EXOSC1: variants seen among roughly 807,000 people sequenced by gnomAD.
EXOSC1 encodes exosome component 1.
EXOSC1 carries 27 observed loss-of-function variants against 31.4 expected under a neutral mutation model. The ratio of observed to expected loss-of-function variants is 0.86; its 90% CI spans 0.63 to 1.18. EXOSC1 has a LOEUF of 1.18. Ranked by LOEUF, EXOSC1 falls within the 50% of genes most tolerant of loss-of-function variation. EXOSC1 has a pLI of 0.00. For missense variants in EXOSC1, 228 were observed against 250.3 expected (o/e 0.91, Z 0.60); for synonymous variants, 84 against 89.5 (o/e 0.94, Z 0.35).
rs1845533962 is a variant in EXOSC1, at chr10:97,436,347, G to C, written c.*98C>G. The C allele has an allele frequency of 3.6e-6, 3 of 839,330 alleles. No individual in the cohort carries two copies. The African/African-American group carries it at 5.2e-5, about 15-fold the overall frequency. The allele number at this position is 839,330 out of a possible 1,614,324, so 52.0% of individuals were successfully genotyped here. The stretch of plus-strand genomic sequence containing the variant: ...AAACTGGAAGATTTTTCTGGAAGTG[G>C]CTGTTGGCCGACGCCAGGTGTTTGA... On this transcript the variant is annotated 3_prime_UTR_variant, in exon 8 of 8. Transcript: ENST00000370902.
intron 5 of EXOSC1, among the ~76,000 whole-genome samples, chr10:97,438,387 C>T (rs113889710): frequency 0.014 from 2,176 of 151,876 alleles, 52 homozygotes; most frequent in African/African-American, 0.05. Context: ...ACCTCAAACT[C>T]CTGGGCTCAA....
chr10:97,439,630 T>G (rs1407685153), intron 4 of EXOSC1, among the ~76,000 whole-genome samples: 5 of 152,198 alleles, frequency 3.3e-5, no homozygotes, highest in African/African-American at 4.8e-5. Flanking sequence ...TATTTCATTA[T>G]ATATTACAGT....
At chr10:97,444,977 A>C (rs1403444655) in intron 2 of EXOSC1, 1 of 152,220 alleles carries the variant, frequency 6.6e-6, no homozygotes, top group Non-Finnish European at 1.5e-5. Context: ...TCACGGACTT[A>C]GATTTAAGCA....
chr10:97,443,605 G>A (rs937864269), intron 2 of EXOSC1, among the ~76,000 whole-genome samples: 1 of 151,924 alleles, frequency 6.6e-6, no homozygotes, highest in East Asian at 1.9e-4. Context: ...TCACTGCAAG[G>A]TCCACTTCCC....
rs139346604 is a variant in EXOSC1 at position 97,437,044 on chromosome 10, A to G, written c.481+147T>C. ...CAACCACCACCACCAGCACCAAGCA[A>G]AAAAGAAAAAAATAATCATTCTAAT... On this transcript the variant is annotated intron_variant, in intron 7 of 7. Transcript: ENST00000370902. The G allele has an allele frequency of 6.6e-4, 529 of 802,816 alleles. 5 individuals are homozygous for G. The African/African-American group carries it at 8.4e-3, about 13-fold the overall frequency. 49.7% of individuals were successfully genotyped at this position (802,816 alleles called of 1,614,324 possible).
intron 3 of EXOSC1, among the ~76,000 whole-genome samples, chr10:97,442,750 G>A (rs974200285): frequency 2.0e-5 from 3 of 152,042 alleles, no homozygotes; most frequent in Non-Finnish European, 4.4e-5. Flanking sequence ...CTGTGACGCA[G>A]GCTCACTGCA....
At chr10:97,442,081 G>T (rs938973235) in intron 3 of EXOSC1, among the ~76,000 whole-genome samples, 1 of 151,380 alleles carries the variant, frequency 6.6e-6, no homozygotes, top group Non-Finnish European at 1.5e-5. Context: ...GGAGGCAGAG[G>T]CAGTAGAATT....
intron 3 of EXOSC1, among the ~76,000 whole-genome samples, chr10:97,442,302 C>G (rs750890152): frequency 3.3e-5 from 5 of 152,184 alleles, no homozygotes; most frequent in Non-Finnish European, 5.9e-5. Flanking sequence ...TTCCCAGACA[C>G]AGGTAGAACT....
In EXOSC1 at chr10:97,437,293, G is replaced by T; in HGVS notation, c.397-18C>A. Reference sequence around the variant, plus strand: ...AAGGAGATCTAGTCACATAACACCGGTGAAGGAAAATGAGGAGTTAGAAGT... The same window carrying T: ...AAGGAGATCTAGTCACATAACACCGTTGAAGGAAAATGAGGAGTTAGAAGT... On this transcript the variant is annotated intron_variant, in intron 6 of 7. Coordinates refer to ENST00000370902, the MANE Select transcript of EXOSC1 (RefSeq NM_016046.5). 1 of 1,601,172 alleles carries T rather than the reference G, an allele frequency of 6.2e-7. No individual in the cohort carries two copies. The highest frequency in any genetic ancestry group is 8.5e-7 in the Non-Finnish European group (1 of 1,169,636).
intron 7 of EXOSC1, 98 bp downstream of exon 7, chr10:97,437,093 A>G (rs1845560796): frequency 9.5e-7 from 1 of 1,051,238 alleles, no homozygotes; most frequent in Non-Finnish European, 1.5e-6. Flanking sequence ...ATCTATAGCC[A>G]TACTGCTTCC....
intron 2 of EXOSC1, 132 bp downstream of exon 2, chr10:97,445,600 G>C: frequency 1.3e-6 from 1 of 776,996 alleles, no homozygotes; most frequent in Non-Finnish European, 2.0e-6. Flanking sequence ...GATACGGCTA[G>C]AAGAAACTAA....
At position 97,445,754 on chromosome 10, in the gene EXOSC1, A is replaced by T. The variant is rs201059505; in HGVS notation, c.125T>A (p.Met42Lys). The change falls in exon 2 of 8, where the codon ATG becomes AAG. Residue 42 changes from methionine to lysine, a missense_variant. Met to Lys is a moderately conservative substitution (Grantham distance 95). Transcript: ENST00000370902. The stretch of plus-strand genomic sequence containing the variant: ...TACCGCGCCATTCTCGCTGCTCTTC[A>T]TCAGACAGCCGGCAAGCGACGAAAA... ...YIFSSLAGCL[M>K]KSSENGALPV... 6.2e-7 allele frequency: 1 copy of T among 1,613,892 alleles called. No individual in the cohort carries two copies. The highest frequency in any genetic ancestry group is 1.7e-5 in the Admixed American group (1 of 60,022).
At chr10:97,442,049 T>G (rs1428947338) in intron 3 of EXOSC1, among the ~76,000 whole-genome samples, 1 of 151,416 alleles carries the variant, frequency 6.6e-6, no homozygotes, top group Non-Finnish European at 1.5e-5. Flanking sequence ...TGGCAGCACA[T>G]GCCTATAATC....
intron 6 of EXOSC1, among the ~76,000 whole-genome samples, 154 bp from the exon 7 acceptor site, chr10:97,437,429 C>A (rs1322385618): frequency 6.6e-6 from 1 of 152,082 alleles, no homozygotes; most frequent in African/African-American, 2.4e-5. Flanking sequence ...CAGTTCACAA[C>A]CTCTGCCTCA....
intron 4 of EXOSC1, among the ~76,000 whole-genome samples, chr10:97,439,874 C>T (rs541864743): frequency 1.3e-5 from 2 of 152,150 alleles, no homozygotes; most frequent in African/African-American, 4.8e-5. Context: ...GGAAGCCACA[C>T]GAAATCACCA....
chr10:97,437,162 G>A (rs1298023770), intron 7 of EXOSC1, 29 bp downstream of exon 7: 1 of 1,592,900 alleles, frequency 6.3e-7, no homozygotes, highest in Non-Finnish European at 8.6e-7. Context: ...TCCAGGGAAA[G>A]TAAGGATGTG....
intron 3 of EXOSC1, among the ~76,000 whole-genome samples, chr10:97,441,522 C>T (rs1193792037): frequency 1.4e-5 from 2 of 140,250 alleles, no homozygotes; most frequent in Non-Finnish European, 3.0e-5. Context: ...CGGAGTTTCA[C>T]TCTTGTTGCC....
At chr10:97,445,049 G>C (rs897861683) in intron 2 of EXOSC1, 1 of 152,022 alleles carries the variant, frequency 6.6e-6, no homozygotes, top group Admixed American at 6.6e-5. Flanking sequence ...CATAGTGCTT[G>C]GAAGAAAAGG....
intron 4 of EXOSC1, among the ~76,000 whole-genome samples, chr10:97,439,705 C>G (rs141955469): frequency 2.0e-5 from 3 of 152,290 alleles, no homozygotes; most frequent in South Asian, 2.1e-4. Flanking sequence ...GCAACCACCC[C>G]CTCCATGGTC....
Sources: gnomAD v4.1 joint callset for allele counts (sites outside exome capture counted in the v4.1 genomes callset) on GRCh38, gnomAD v4.1.1 for gene constraint, MANE v1.5 for transcripts, NCBI Gene and HGNC (gene_info 2026-07-23, HGNC 2026-07-21) for gene names.